ABHD14B: variants seen among roughly 807,000 people sequenced by gnomAD.
The protein encoded by ABHD14B is abhydrolase domain containing 14B, also known as putative protein-lysine deacylase ABHD14B.
In ABHD14B, 19 loss-of-function variants were observed where a neutral mutation model predicts 15.4. The ratio of observed to expected loss-of-function variants is 1.23; its 90% CI spans 0.86 to 1.81. The LOEUF is 1.81. ABHD14B is among the 40% of genes most tolerant of loss of function. ABHD14B has a pLI of 0.00. For missense variants in ABHD14B, 243 were observed against 267.0 expected (o/e 0.91, Z 0.63); for synonymous variants, 92 against 117.3 (o/e 0.78, Z 1.39).
At position 51,971,462 on chromosome 3, in the gene ABHD14B, G is replaced by C; in HGVS notation, c.209C>G (p.Pro70Arg). The change falls in exon 2 of 4, where the codon CCA becomes CGA. Residue 70 changes from proline (P) to arginine (R), a missense_variant and splice_region_variant. By Grantham distance (103) the Pro-to-Arg change is moderately radical. Coordinates refer to ENST00000361143, the MANE Select transcript of ABHD14B (RefSeq NM_001146314.2). Reference protein sequence around the residue: ...AGYRAVAIDLPGLGHSKEAAA... With the variant: ...AGYRAVAIDLRGLGHSKEAAA... Reference sequence around the variant, plus strand: ...CCAGAAGCCTGCCCCTTAAGTACCTGGCAGGTCAATGGCCACAGCCCGGTA... The same window carrying C: ...CCAGAAGCCTGCCCCTTAAGTACCTCGCAGGTCAATGGCCACAGCCCGGTA... 4 of 1,577,494 alleles carry C rather than the reference G, an allele frequency of 2.5e-6. No homozygotes were observed. The highest frequency in any genetic ancestry group is 3.5e-6 in the Non-Finnish European group (4 of 1,158,474).
At chr3:51,973,673 C>T in intron 1 of ABHD14B, 1 of 407,208 alleles carries the variant, frequency 2.5e-6, no homozygotes, top group Non-Finnish European at 4.5e-6. Flanking sequence ...GCTTCCACAC[C>T]GGAAAGCCCA....
rs1700724721 is a variant in ABHD14B at position 51,974,013 on chromosome 3, C to T, written c.-77G>A. ...CAGACGGGAAGCAGGCGCGTGCTGG[C>T]GGTGACCTGGGGCCGGAGGAGGAAC... On this transcript the variant is annotated 5_prime_UTR_variant, in exon 1 of 4. Transcript: ENST00000361143. The T allele has an allele frequency of 7.8e-7, 1 of 1,288,960 alleles. No homozygotes were observed. Among genetic ancestry groups the T allele is most frequent in the African/African-American group, 1.5e-5 (1 of 65,958 alleles). 79.8% of individuals were successfully genotyped at this position (1,288,960 alleles called of 1,614,324 possible).
At position 51,969,303 on chromosome 3, in the gene ABHD14B, C is replaced by G; in HGVS notation, c.*123G>C. On this transcript the variant is annotated 3_prime_UTR_variant, in exon 4 of 4. Transcript: ENST00000361143. ...CAAACAGACCACAAAAGACAAGAACCCAGACATATAGACAGACGCACCTGT... is the reference window on the plus strand; with the variant it reads ...CAAACAGACCACAAAAGACAAGAACGCAGACATATAGACAGACGCACCTGT... 1.8e-6 allele frequency: 2 copies of G among 1,137,106 alleles called. No individual in the cohort carries two copies. The highest frequency in any genetic ancestry group is 2.5e-6 in the Non-Finnish European group (2 of 803,980). 70.4% of individuals were successfully genotyped at this position (1,137,106 alleles called of 1,614,324 possible).
intron 1 of ABHD14B, among the ~76,000 whole-genome samples, chr3:51,972,824 T>C (rs544571520): frequency 3.9e-5 from 6 of 152,320 alleles, no homozygotes; most frequent in East Asian, 1.9e-4. Flanking sequence ...GAGTTGTCAA[T>C]GCAGGCCAGA....
Position 51,969,372 on chromosome 3 carries a change from CAA to C in ABHD14B, c.*52_*53del. 1.3e-6 allele frequency: 2 copies of C among 1,548,242 alleles called. No individual in the cohort carries two copies. Among genetic ancestry groups the C allele is most frequent in the South Asian group, 1.2e-5 (1 of 81,430 alleles). Reference sequence around the variant, plus strand: ...AGCCTGGGAGAGAAGAGAGAGCGTGCAAGAGAGAGCTCAGAGCAGGCAGGCAG... The same window carrying C: ...AGCCTGGGAGAGAAGAGAGAGCGTGCGAGAGAGCTCAGAGCAGGCAGGCAG... On this transcript the variant is annotated 3_prime_UTR_variant, in exon 4 of 4. Transcript: ENST00000361143.
intron 2 of ABHD14B, chr3:51,971,212 T>C (rs1700646250): frequency 6.0e-6 from 3 of 499,324 alleles, no homozygotes; most frequent in Admixed American, 7.3e-5. Context: ...TCAGAGACAC[T>C]GAGACAATGC....
Position 51,971,716 on chromosome 3 carries a change from G to T in ABHD14B, c.-28-18C>A. The T allele has an allele frequency of 6.3e-7, 1 of 1,595,686 alleles. No individual in the cohort carries two copies. ...TGAAGGGCCTGTGGTTCAAAACCACGATGATGAGGGGCCACAGAACACCCT... is the reference window on the plus strand; with the variant it reads ...TGAAGGGCCTGTGGTTCAAAACCACTATGATGAGGGGCCACAGAACACCCT... On this transcript the variant is annotated intron_variant, in intron 1 of 3. Coordinates refer to ENST00000361143, the MANE Select transcript of ABHD14B (RefSeq NM_001146314.2).
Position 51,971,865 on chromosome 3 carries a change from G to A in ABHD14B, c.-28-167C>T, listed in dbSNP as rs768708697. 16 of 1,328,970 alleles carry A rather than the reference G, an allele frequency of 1.2e-5. No individual in the cohort carries two copies. The African/African-American group carries it at 2.1e-4, about 17-fold the overall frequency. The allele number at this position is 1,328,970 out of a possible 1,614,324, so 82.3% of individuals were successfully genotyped here. ...TTCTGCCTCTGCCATTTACTTTAGT[G>A]TGTAACCTGGGGCCTCAGCTTCTTG... On this transcript the variant is annotated intron_variant, in intron 1 of 3. Coordinates refer to ENST00000361143, the MANE Select transcript of ABHD14B (RefSeq NM_001146314.2).
chr3:51,969,484 A>T lies in ABHD14B; in HGVS notation c.575T>A (p.Leu192Gln). The change falls in exon 4 of 4, where the codon CTG becomes CAG. Residue 192 changes from leucine to glutamine, a missense_variant. By Grantham distance (113) the Leu-to-Gln change is moderately radical (BLOSUM62 -2). Transcript: ENST00000361143. ...TGTATGCCACTCCTCTGGTTTGTCC[A>T]GGTAACAGGGGTGCCCCGCCCCCTT... ...IMKGAGHPCY[L>Q]DKPEEWHTGL... is the part of the protein sequence containing the mutation. 1 of 1,613,948 alleles carries T rather than the reference A, an allele frequency of 6.2e-7. No individual in the cohort carries two copies. Among genetic ancestry groups the T allele is most frequent in the Non-Finnish European group, 8.5e-7 (1 of 1,179,974 alleles).
Position 51,973,999 on chromosome 3 carries a change from C to G in ABHD14B, c.-63G>C. ...TGCGTGGACTCGCGCAGACGGGAAG[C>G]AGGCGCGTGCTGGCGGTGACCTGGG... On this transcript the variant is annotated 5_prime_UTR_variant, in exon 1 of 4. Transcript: ENST00000361143. 1 of 1,289,200 alleles carries G rather than the reference C, an allele frequency of 7.8e-7. No individual in the cohort carries two copies. Among genetic ancestry groups the G allele is most frequent in the Non-Finnish European group, 1.0e-6 (1 of 988,840 alleles). 79.9% of individuals were successfully genotyped at this position (1,289,200 alleles called of 1,614,324 possible).
intron 1 of ABHD14B, among the ~76,000 whole-genome samples, chr3:51,973,329 C>T (rs561525625): frequency 6.6e-6 from 1 of 151,674 alleles, no homozygotes; most frequent in East Asian, 1.9e-4. Context: ...GGATTACAGG[C>T]GTGAGCCACC....
chr3:51,971,925 G>T, intron 1 of ABHD14B: 1 of 867,214 alleles, frequency 1.2e-6, no homozygotes, highest in Non-Finnish European at 1.6e-6. Context: ...CCAACTTCAA[G>T]AATTAGCAAT....
chr3:51,969,449 C>A lies in ABHD14B; in HGVS notation c.610G>T (p.Asp204Tyr). 6.2e-7 allele frequency: 1 copy of A among 1,612,830 alleles called. No homozygotes were observed. The highest frequency in any genetic ancestry group is 8.5e-7 in the Non-Finnish European group (1 of 1,179,488). The change falls in exon 4 of 4, where the codon GAC becomes TAC. Residue 204 changes from aspartate (D) to tyrosine (Y), a missense_variant. Coordinates refer to ENST00000361143, the MANE Select transcript of ABHD14B (RefSeq NM_001146314.2). ...CTTCACTGGAGCCCCTGCAGGAAGT[C>A]CAGCAGCCCTGTATGCCACTCCTCT... ...KPEEWHTGLL[D>Y]FLQGLQ
rs371776541 is a variant in ABHD14B, at chr3:51,969,113, G to A, written c.*313C>T. The A allele has an allele frequency of 1.6e-5, 4 of 249,176 alleles. No homozygotes were observed. The highest frequency in any genetic ancestry group is 9.0e-5 in the African/African-American group (4 of 44,282). 15.4% of individuals were successfully genotyped at this position (249,176 alleles called of 1,614,324 possible). ...AGGAGTGGGTGGGAGGGAAAGGCTG[G>A]GCAGAGCAGGGGAAGGAGTGAAAGC... On this transcript the variant is annotated 3_prime_UTR_variant, in exon 4 of 4. Transcript: ENST00000361143.
At chr3:51,973,910 G>A (rs896622665) in intron 1 of ABHD14B, 55 bp downstream of exon 1, 5 of 1,289,710 alleles carry the variant, frequency 3.9e-6, no homozygotes, top group Non-Finnish European at 5.1e-6. Flanking sequence ...CTTGGGGTAG[G>A]TGGGGTTGGA....
chr3:51,969,652 C>G, intron 3 of ABHD14B, 47 bp from the exon 4 acceptor site: 1 of 1,572,372 alleles, frequency 6.4e-7, no homozygotes, highest in Non-Finnish European at 8.7e-7. Flanking sequence ...AGGGACCTGC[C>G]ATAGCATCCC....
intron 2 of ABHD14B, chr3:51,971,187 T>A (rs1191419989): frequency 1.7e-5 from 8 of 462,510 alleles, no homozygotes; most frequent in Admixed American, 3.8e-5. Flanking sequence ...CCATTGCAGA[T>A]GAGGAAACAG....
At chr3:51,972,735 A>G (rs1204852586) in intron 1 of ABHD14B, among the ~76,000 whole-genome samples, 1 of 152,220 alleles carries the variant, frequency 6.6e-6, no homozygotes, top group Non-Finnish European at 1.5e-5. Context: ...GGTTGATAGG[A>G]TTAAATAAGG....
At chr3:51,972,702 T>A (rs563848741) in intron 1 of ABHD14B, among the ~76,000 whole-genome samples, 1 of 152,308 alleles carries the variant, frequency 6.6e-6, no homozygotes, top group South Asian at 2.1e-4. Flanking sequence ...ATGGGGATAA[T>A]TCAATAGTAC....
Sources: allele counts gnomAD v4.1 joint callset (sites outside exome capture counted in the v4.1 genomes callset), GRCh38; gene constraint gnomAD v4.1.1; transcripts MANE v1.5; gene names NCBI Gene and HGNC (gene_info 2026-07-23, HGNC 2026-07-21).